Variants in UGGT2 observed in about 807,000 individuals in gnomAD.
The protein encoded by UGGT2 is UDP-glucose:glycoprotein glucosyltransferase 2.
In UGGT2, 180 loss-of-function variants were observed where a neutral mutation model predicts 192.1. The ratio of observed to expected loss-of-function variants is 0.94; its 90% confidence interval spans 0.83 to 1.06. The LOEUF is 1.06. Ranked by LOEUF, UGGT2 falls within the 50% of genes least tolerant of loss-of-function variation. The pLI, the probability that UGGT2 is intolerant of heterozygous loss-of-function variation, is 0.00. For synonymous variants in UGGT2, 580 were observed against 591.0 expected, an observed-to-expected ratio of 0.98 and a Z score of 0.27; for missense variants, 1,849 against 1,795.7, an observed-to-expected ratio of 1.03 and a Z score of -0.54.
At chr13:95,967,152 T>G (rs2050607097) in intron 12 of UGGT2, among the ~76,000 whole-genome samples, 1 of 151,364 alleles carries the variant, frequency 6.6e-6, no homozygotes, top group Admixed American at 6.6e-5. Flanking sequence ...ACCACAGGCA[T>G]AACCTTTTTT....
chr13:95,851,541 C>G (rs1435915189), intron 36 of UGGT2, among the ~76,000 whole-genome samples: 1 of 152,090 alleles, frequency 6.6e-6, no homozygotes, highest in Non-Finnish European at 1.5e-5. Flanking sequence ...AAAGAAGAAC[C>G]AGCAAGGTCT....
At position 95,900,860 on chromosome 13, in the gene UGGT2, G is replaced by C; in HGVS notation, c.2581C>G (p.Gln861Glu). ...CCAGGACGTAATTTAAGTACATCTT[G>C]ACAGAACAACTGGTGAGTTCGAAAA... ...NIFRTHQLFC[Q>E]DVLKLRPGEM... The change falls in exon 22 of 39, where the codon CAA (glutamine) becomes GAA (glutamate). Residue 861 changes from glutamine (Q) to glutamate (E), a missense_variant. Coordinates refer to ENST00000376747, the MANE Select transcript of UGGT2 (RefSeq NM_020121.4). 1.2e-6 allele frequency: 2 copies of C among 1,611,770 alleles called. No individual in the cohort carries two copies. Among genetic ancestry groups the C allele is most frequent in the Non-Finnish European group, 1.7e-6 (2 of 1,179,116 alleles).
At chr13:95,929,355 T>A (rs1040871879) in intron 17 of UGGT2, among the ~76,000 whole-genome samples, 3 of 152,220 alleles carry the variant, frequency 2.0e-5, no homozygotes, top group African/African-American at 7.2e-5. Context: ...CACAGGTGTA[T>A]CATGTAATGC....
At chr13:96,008,554 A>G (rs2052055354) in intron 5 of UGGT2, among the ~76,000 whole-genome samples, 1 of 152,230 alleles carries the variant, frequency 6.6e-6, no homozygotes, top group African/African-American at 2.4e-5. Context: ...AAATCAATGT[A>G]CAAAAATCAC....
intron 2 of UGGT2, among the ~76,000 whole-genome samples, chr13:96,030,241 C>T (rs887031658): frequency 6.6e-6 from 1 of 152,154 alleles, no homozygotes; most frequent in Non-Finnish European, 1.5e-5. Context: ...TGACTAGGTG[C>T]CTCTTTTATG....
chr13:96,013,255 T>C, intron 5 of UGGT2, 52 bp downstream of exon 5: 2 of 1,488,348 alleles, frequency 1.3e-6, no homozygotes, highest in South Asian at 1.3e-5. Flanking sequence ...ATTATCATAA[T>C]AATTGTTTTT....
Position 95,983,801 on chromosome 13 carries a change from A to G in UGGT2, c.1092+3T>C, listed in dbSNP as rs1420698562. The G allele has an allele frequency of 3.9e-6, 6 of 1,551,568 alleles. No homozygotes were observed. The highest frequency in any genetic ancestry group is 5.2e-6 in the Non-Finnish European group (6 of 1,145,630). On this transcript the variant is annotated splice_donor_region_variant and intron_variant, in intron 10 of 38. Transcript: ENST00000376747. ...ATGTTTTAAAAAAGGAATTCAAACAAACCTTTTGATTTTCCTTTATTTCTT... is the reference window on the plus strand; with the variant it reads ...ATGTTTTAAAAAAGGAATTCAAACAGACCTTTTGATTTTCCTTTATTTCTT...
At chr13:96,010,249 A>G (rs1199637556) in intron 5 of UGGT2, among the ~76,000 whole-genome samples, 2 of 152,208 alleles carry the variant, frequency 1.3e-5, no homozygotes, top group Admixed American at 6.5e-5. Flanking sequence ...ATGCCCATCA[A>G]TAGTAAAATG....
chr13:95,910,103 G>T (rs890265436), intron 20 of UGGT2, among the ~76,000 whole-genome samples: 2 of 152,150 alleles, frequency 1.3e-5, no homozygotes, highest in African/African-American at 2.4e-5. Context: ...ACTAAACATG[G>T]AAAGGAACAA....
At chr13:95,904,079 A>C (rs2048195399) in intron 20 of UGGT2, among the ~76,000 whole-genome samples, 1 of 151,970 alleles carries the variant, frequency 6.6e-6, no homozygotes, top group Non-Finnish European at 1.5e-5. Context: ...TTGGATTTCT[A>C]AGACTTAAGG....
At chr13:95,898,180 C>A (rs2048001319) in intron 22 of UGGT2, among the ~76,000 whole-genome samples, 1 of 152,138 alleles carries the variant, frequency 6.6e-6, no homozygotes, top group African/African-American at 2.4e-5. Flanking sequence ...AACTGGCTCC[C>A]TGACCCCCTA....
intron 9 of UGGT2, among the ~76,000 whole-genome samples, 178 bp from the exon 10 acceptor site, chr13:95,984,042 T>C (rs2051213407): frequency 6.6e-6 from 1 of 152,196 alleles, no homozygotes; most frequent in Non-Finnish European, 1.5e-5. Context: ...AGTATTTGGT[T>C]CAAGTGGAAT....
Position 95,832,968 on chromosome 13 carries a change from CTT to C in UGGT2, c.4485_4486del (p.Ile1495MetfsTer8). 6.2e-7 allele frequency: 1 copy of C among 1,612,820 alleles called. No homozygotes were observed. The highest frequency in any genetic ancestry group is 8.5e-7 in the Non-Finnish European group (1 of 1,179,176). On this transcript the variant is annotated frameshift_variant, in exon 38 of 39. Coordinates refer to ENST00000376747, the MANE Select transcript of UGGT2 (RefSeq NM_020121.4). LOFTEE classifies it high-confidence loss of function. Reference sequence around the variant, plus strand: ...GTTTTCAAGATGATCTAATAGTTGTCTTATCTCAGCATCATACTCCACCCATT... The same window carrying C: ...GTTTTCAAGATGATCTAATAGTTGTCATCTCAGCATCATACTCCACCCATT...
At chr13:95,972,724 T>C in intron 10 of UGGT2, 53 bp from the exon 11 acceptor site, 7 of 1,318,736 alleles carry the variant, frequency 5.3e-6, no homozygotes, top group South Asian at 2.5e-5. Flanking sequence ...TAGTGACCTA[T>C]ATTAGGGGTC....
At chr13:95,892,306 G>A (rs866188753) in intron 24 of UGGT2, among the ~76,000 whole-genome samples, 5 of 152,174 alleles carry the variant, frequency 3.3e-5, no homozygotes, top group African/African-American at 1.2e-4. Flanking sequence ...CCCACTAGTA[G>A]ATAGTACACT....
At chr13:95,835,615 T>C (rs1360203704) in intron 37 of UGGT2, among the ~76,000 whole-genome samples, 1 of 152,252 alleles carries the variant, frequency 6.6e-6, no homozygotes, top group East Asian at 1.9e-4. Flanking sequence ...TATTTTGTTT[T>C]CCTGCTCTTT....
At chr13:95,837,953 T>C (rs996091907) in intron 36 of UGGT2, among the ~76,000 whole-genome samples, 1 of 152,004 alleles carries the variant, frequency 6.6e-6, no homozygotes, top group African/African-American at 2.4e-5. Flanking sequence ...ACACTGAAAG[T>C]CCTAGCAAAT....
intron 6 of UGGT2, 93 bp downstream of exon 6, chr13:95,999,118 T>G (rs764485362): frequency 2.4e-6 from 2 of 826,526 alleles, no homozygotes; most frequent in African/African-American, 3.4e-5. Context: ...AATGAACATA[T>G]GTAGGATTAT....
At chr13:96,037,348 G>A (rs2053034948) in intron 1 of UGGT2, among the ~76,000 whole-genome samples, 1 of 152,148 alleles carries the variant, frequency 6.6e-6, no homozygotes, top group Admixed American at 6.5e-5. Flanking sequence ...ATAGGCATGT[G>A]CCACCACACG....
Sources: allele counts gnomAD v4.1 joint callset (sites outside exome capture counted in the v4.1 genomes callset), GRCh38; gene constraint gnomAD v4.1.1; transcripts MANE v1.5; gene names NCBI Gene and HGNC (gene_info 2026-07-23, HGNC 2026-07-21).